Variants in UNC79 observed in about 807,000 individuals in gnomAD.
The protein encoded by UNC79 is unc-79 subunit of NALCN channel complex, also known as protein unc-79 homolog.
UNC79 carries 37 observed loss-of-function variants against 283.1 expected under a neutral mutation model. The observed-to-expected ratio is 0.13, with a 90% confidence interval of 0.10 to 0.17. The LOEUF is 0.17. Among genes scored for constraint, UNC79 ranks in the 10% least tolerant of loss-of-function variants. The probability of loss-of-function intolerance (pLI) is 1.00; values close to 1 mark genes in which losing one functional copy is unlikely to be tolerated. For missense variants in UNC79, 2,272 were observed against 3,211.1 expected (o/e 0.71, Z 7.07); for synonymous variants, 1,107 against 1,200.2 (o/e 0.92, Z 1.61).
chr14:93,445,251 A>C (rs2056429780), intron 1 of UNC79, among the ~76,000 whole-genome samples: 1 of 152,202 alleles, frequency 6.6e-6, no homozygotes, highest in South Asian at 2.1e-4. Context: ...GCCATTTGTG[A>C]ATAAAGATAA....
intron 1 of UNC79, among the ~76,000 whole-genome samples, chr14:93,366,661 C>T (rs2054340993): frequency 1.3e-5 from 2 of 151,586 alleles, no homozygotes; most frequent in African/African-American, 4.9e-5. Flanking sequence ...CAACCTCTGC[C>T]TCCGGGGTTC....
At position 93,339,523 on chromosome 14, in the gene UNC79, A is replaced by T. The variant is rs1464947258; in HGVS notation, c.-351+6000A>T. Among the ~76,000 whole-genome samples the T allele has an allele frequency of 5.3e-5, 8 of 151,066 alleles. No individual in the cohort carries two copies. In the South Asian group the frequency reaches 1.7e-3, roughly 32 times the overall value. On this transcript the variant is annotated intron_variant, in intron 1 of 49. Transcript: ENST00000256339. Reference sequence around the variant, plus strand: ...ACCATGTTGGCCAGGCTGGTTTCAAACTCCTCACCTCGTGATCGACCCGCC... The same window carrying T: ...ACCATGTTGGCCAGGCTGGTTTCAATCTCCTCACCTCGTGATCGACCCGCC...
chr14:93,462,392 A>G (rs2056991601), intron 1 of UNC79, among the ~76,000 whole-genome samples: 1 of 152,240 alleles, frequency 6.6e-6, no homozygotes, highest in Non-Finnish European at 1.5e-5. Context: ...AGGGACTTTG[A>G]CCACACTAAG....
intron 1 of UNC79, among the ~76,000 whole-genome samples, chr14:93,453,118 C>A (rs534428032): frequency 6.6e-6 from 1 of 152,276 alleles, no homozygotes; most frequent in East Asian, 1.9e-4. Context: ...AAATAATTCC[C>A]AGAGGTTTTC....
intron 1 of UNC79, among the ~76,000 whole-genome samples, chr14:93,347,625 C>A (rs529783434): frequency 6.6e-6 from 1 of 152,010 alleles, no homozygotes; most frequent in Non-Finnish European, 1.5e-5. Context: ...AAGCCCGGGA[C>A]CCTGAGGAAC....
At chr14:93,393,646 A>C (rs2054930309) in intron 1 of UNC79, among the ~76,000 whole-genome samples, 1 of 152,226 alleles carries the variant, frequency 6.6e-6, no homozygotes, top group South Asian at 2.1e-4. Flanking sequence ...GACTGGATAG[A>C]ATCTTTTATT....
chr14:93,706,683 C>T (rs1311009285), intron 48 of UNC79, 21 bp from the exon 52 acceptor site: 3 of 1,613,740 alleles, frequency 1.9e-6, no homozygotes, highest in South Asian at 1.1e-5. Context: ...TAAACTAAAA[C>T]CTCTTGCCCT....
chr14:93,637,376 G>C (rs1014285719), intron 32 of UNC79, 77 bp downstream of exon 35: 4 of 1,578,644 alleles, frequency 2.5e-6, no homozygotes, highest in Non-Finnish European at 3.4e-6. Flanking sequence ...CACCCAGCAG[G>C]TGCAGGCTTT....
intron 39 of UNC79, among the ~76,000 whole-genome samples, chr14:93,660,520 CATATAT>C (rs57703735): frequency 0.14 from 6,586 of 48,578 alleles, 475 homozygotes; most frequent in Middle Eastern, 0.25. Context: ...AAGACAATAG[CATATAT>C]ATATATATAT....
At chr14:93,655,460 C>A in intron 38 of UNC79, 53 bp downstream of exon 41, 1 of 1,584,412 alleles carries the variant, frequency 6.3e-7, no homozygotes, top group East Asian at 2.2e-5. Flanking sequence ...ATTTTCAGAC[C>A]GTTTATTTAC....
chr14:93,660,649 A>G (rs996611612), intron 39 of UNC79, among the ~76,000 whole-genome samples: 2 of 149,002 alleles, frequency 1.3e-5, no homozygotes, highest in Admixed American at 1.3e-4. Context: ...GAGTGCAGTG[A>G]TGCCAACTTG....
At chr14:93,453,152 G>A (rs1161031917) in intron 1 of UNC79, among the ~76,000 whole-genome samples, 1 of 152,138 alleles carries the variant, frequency 6.6e-6, no homozygotes, top group African/African-American at 2.4e-5. Flanking sequence ...ATTTAAGGAC[G>A]GTGCTGGCTA....
At chr14:93,501,249 G>A (rs1476154148) in intron 7 of UNC79, among the ~76,000 whole-genome samples, 1 of 151,986 alleles carries the variant, frequency 6.6e-6, no homozygotes, top group Admixed American at 6.6e-5. Flanking sequence ...CCTTGAACCT[G>A]GTAGGCAGAA....
intron 7 of UNC79, among the ~76,000 whole-genome samples, chr14:93,519,382 C>G (rs569222353): frequency 6.6e-6 from 1 of 151,862 alleles, no homozygotes; most frequent in Non-Finnish European, 1.5e-5. Context: ...TTACTTCTAG[C>G]TTATCTGAGC....
intron 13 of UNC79, among the ~76,000 whole-genome samples, chr14:93,541,960 G>A (rs1027754829): frequency 7.1e-5 from 10 of 140,604 alleles, no homozygotes; most frequent in Admixed American, 2.2e-4. Context: ...AGCCGAGATC[G>A]CGCCACTGCA....
intron 25 of UNC79, among the ~76,000 whole-genome samples, chr14:93,602,124 A>G (rs1047734020): frequency 6.6e-6 from 1 of 151,938 alleles, no homozygotes; most frequent in Non-Finnish European, 1.5e-5. Context: ...CCATCTGTTT[A>G]TTTTTGTTTT....
chr14:93,442,137 T>G (rs1464911544), intron 1 of UNC79, among the ~76,000 whole-genome samples: 2 of 152,144 alleles, frequency 1.3e-5, no homozygotes, highest in Non-Finnish European at 2.9e-5. Context: ...TTTTTTAATC[T>G]CCTTTTAAGT....
chr14:93,417,944 C>T (rs1260837775), intron 1 of UNC79, among the ~76,000 whole-genome samples: 5 of 151,738 alleles, frequency 3.3e-5, no homozygotes, highest in East Asian at 3.9e-4. Context: ...TCAAAGTTTT[C>T]GACTTCTTTG....
intron 27 of UNC79, among the ~76,000 whole-genome samples, chr14:93,615,065 G>T (rs1358697521): frequency 2.6e-5 from 4 of 152,174 alleles, no homozygotes. Flanking sequence ...ATGAATTTCA[G>T]CTCCACCTCT....
Sources: allele counts gnomAD v4.1 joint callset (sites outside exome capture counted in the v4.1 genomes callset), GRCh38; gene constraint gnomAD v4.1.1; transcripts MANE v1.5; gene names NCBI Gene and HGNC (gene_info 2026-07-23, HGNC 2026-07-21).